Variants in CPNE7 observed in about 807,000 individuals in gnomAD.
CPNE7 encodes copine 7, also known as copine-7.
In CPNE7, 78 loss-of-function variants were observed where a neutral mutation model predicts 66.5. The ratio of observed to expected loss-of-function variants is 1.17; its 90% CI spans 0.98 to 1.42. The LOEUF (loss-of-function observed/expected upper bound fraction) is 1.42. CPNE7 is among the 40% of genes most tolerant of loss of function. CPNE7 has a pLI of 0.00. For synonymous variants in CPNE7, 468 were observed against 336.7 expected, an observed-to-expected ratio of 1.39 and a Z score of -4.27; for missense variants, 1,012 against 776.6, an observed-to-expected ratio of 1.30 and a Z score of -3.60.
intron 11 of CPNE7, among the ~76,000 whole-genome samples, chr16:89,590,497 C>A (rs978954563): frequency 2.0e-5 from 3 of 152,048 alleles, no homozygotes; most frequent in Non-Finnish European, 4.4e-5. Flanking sequence ...TGCAGTCCAG[C>A]CTGGCCTGTA....
rs2059005387 is a variant in CPNE7 at position 89,584,517 on chromosome 16, A to G, written c.508-257A>G. On this transcript the variant is annotated intron_variant, in intron 4 of 14. Coordinates refer to ENST00000319518, the MANE Select transcript of CPNE7 (RefSeq NM_153636.3). The surrounding 1 kb of genome is among the most constrained non-coding windows in gnomAD (Gnocchi z 6.0). ...GGAGGGGCTGAGTCGCAGGGTGTGT[A>G]GGGCAAGTCCGTGGAGGGCTGAGTC... is the stretch of plus-strand genomic sequence containing the variant. 6.8e-6 allele frequency among the ~76,000 whole-genome samples: 1 copy of G among 147,210 alleles called. No homozygotes were observed. Among genetic ancestry groups the G allele is most frequent in the African/African-American group, 2.5e-5 (1 of 40,132 alleles).
chr16:89,576,880 C>T (rs1015782218), intron 1 of CPNE7, among the ~76,000 whole-genome samples: 13 of 152,130 alleles, frequency 8.5e-5, no homozygotes, highest in Non-Finnish European at 1.6e-4. Context: ...CACCGCCTGT[C>T]CCCAGGGTTC....
At chr16:89,588,881 C>G in intron 10 of CPNE7, 73 bp downstream of exon 10, 1 of 1,576,152 alleles carries the variant, frequency 6.3e-7, no homozygotes, top group Non-Finnish European at 8.6e-7. Flanking sequence ...CCGTCTTCCC[C>G]CTCACCCCCC....
intron 6 of CPNE7, 35 bp downstream of exon 6, chr16:89,585,588 G>T (rs373790809): frequency 6.5e-5 from 103 of 1,588,612 alleles, no homozygotes; most frequent in Non-Finnish European, 7.8e-5. Context: ...GGCAGTGAGG[G>T]GGTGGCCTGG....
At chr16:89,577,760 G>T (rs1481948143) in intron 2 of CPNE7, 39 bp downstream of exon 2, 10 of 1,548,208 alleles carry the variant, frequency 6.5e-6, no homozygotes, top group Non-Finnish European at 8.7e-6. Context: ...AGGACGGTTG[G>T]CGTGGGGGCC....
Position 89,591,225 on chromosome 16 carries a change from G to C in CPNE7, c.1267G>C (p.Val423Leu), listed in dbSNP as rs778331677. The C allele has an allele frequency of 6.3e-7, 1 of 1,589,060 alleles. No homozygotes were observed. The highest frequency in any genetic ancestry group is 1.1e-5 in the South Asian group (1 of 88,404). Residue 423 changes from valine (V) to leucine (L), a missense_variant, in exon 13 of 15, where the codon GTG (valine) becomes CTG (leucine). Coordinates refer to ENST00000319518, the MANE Select transcript of CPNE7 (RefSeq NM_153636.3). ...VAPIISKVARVAAAEESTGKA... is the reference protein window; with the variant it reads ...VAPIISKVARLAAAEESTGKA... ...GCCCATCATCTCCAAGGTGGCACGC[G>C]TGGCGGCGGCCGAGGAGAGCACCGG...
chr16:89,595,188 G>A (rs1009691784), intron 13 of CPNE7, among the ~76,000 whole-genome samples, 179 bp from the exon 14 acceptor site: 1 of 152,190 alleles, frequency 6.6e-6, no homozygotes, highest in African/African-American at 2.4e-5. Flanking sequence ...CCGCCACGGA[G>A]GGGGCTCCTG....
chr16:89,580,418 C>T (rs1444890386), intron 2 of CPNE7, among the ~76,000 whole-genome samples: 4 of 125,328 alleles, frequency 3.2e-5, no homozygotes, highest in Admixed American at 8.2e-5. Flanking sequence ...ACGGAACATC[C>T]CATCACCCAT....
At chr16:89,576,270 G>A (rs912294616) in intron 1 of CPNE7, among the ~76,000 whole-genome samples, 199 bp downstream of exon 1, 1 of 152,084 alleles carries the variant, frequency 6.6e-6, no homozygotes, top group African/African-American at 2.4e-5. Context: ...GAGAGGCTGG[G>A]CTGGAGGAGG....
chr16:89,595,214 T>G (rs775535160), intron 13 of CPNE7, among the ~76,000 whole-genome samples, 153 bp from the exon 14 acceptor site: 27 of 152,128 alleles, frequency 1.8e-4, no homozygotes, highest in Non-Finnish European at 2.8e-4. Flanking sequence ...CTGTTGTTCG[T>G]GATGTTTGTG....
intron 1 of CPNE7, 41 bp from the exon 2 acceptor site, chr16:89,577,498 G>C (rs1182280547): frequency 6.5e-7 from 1 of 1,544,582 alleles, no homozygotes; most frequent in Non-Finnish European, 8.7e-7. Context: ...GCCCGGGGTG[G>C]AAGCCTCTGG....
chr16:89,590,553 C>G (rs1333121358), intron 11 of CPNE7, among the ~76,000 whole-genome samples: 2 of 151,592 alleles, frequency 1.3e-5, no homozygotes, highest in Non-Finnish European at 2.9e-5. Context: ...CAACAAAAAA[C>G]TTCAACTGGC....
At position 89,595,380 on chromosome 16, in the gene CPNE7, T is replaced by C; in HGVS notation, c.1316T>C (p.Leu439Pro). The C allele has an allele frequency of 6.3e-7, 1 of 1,578,304 alleles. No homozygotes were observed. The highest frequency in any genetic ancestry group is 8.6e-7 in the Non-Finnish European group (1 of 1,158,114). Residue 439 changes from leucine (L) to proline (P), a missense_variant, in exon 14 of 15, where the codon CTG (leucine) becomes CCG (proline). By Grantham distance (98) the Leu-to-Pro change is moderately conservative (BLOSUM62 -3). Coordinates refer to ENST00000319518, the MANE Select transcript of CPNE7 (RefSeq NM_153636.3). ...CTGTGCCCCCAGCAATACTACATCC[T>C]GCTGATCCTGACGGACGGCGTGGTG... ...STGKASQYYI[L>P]LILTDGVVTD...
At position 89,591,034 on chromosome 16, in the gene CPNE7, A is replaced by G; in HGVS notation, c.1144A>G (p.Asn382Asp). 1 of 1,613,578 alleles carries G rather than the reference A, an allele frequency of 6.2e-7. No homozygotes were observed. The highest frequency in any genetic ancestry group is 8.5e-7 in the Non-Finnish European group (1 of 1,179,844). Residue 382 changes from asparagine (N) to aspartate (D), a missense_variant, in exon 12 of 15, where the codon AAC becomes GAC. By Grantham distance (23) the Asn-to-Asp change is conservative. Transcript: ENST00000319518. ...GTCCCATGACTTTGCCATCAATTTC[A>G]ACCCTGAGGACGATGAGTGTGAAGG... ...EVSHDFAINF[N>D]PEDDECEGIQ...
intron 13 of CPNE7, among the ~76,000 whole-genome samples, chr16:89,593,341 C>T (rs934623134): frequency 1.7e-4 from 26 of 151,444 alleles, no homozygotes; most frequent in African/African-American, 4.9e-5. Context: ...TGCAACATCA[C>T]GGTTTTACCT....
chr16:89,576,600 G>A (rs1324227562), intron 1 of CPNE7, among the ~76,000 whole-genome samples: 3 of 152,192 alleles, frequency 2.0e-5, no homozygotes, highest in African/African-American at 7.2e-5. Flanking sequence ...CGGGGCCGGC[G>A]CCAGACGGGC....
chr16:89,579,380 C>G (rs2058911511), intron 2 of CPNE7, among the ~76,000 whole-genome samples: 1 of 152,188 alleles, frequency 6.6e-6, no homozygotes, highest in East Asian at 1.9e-4. Flanking sequence ...GACCATCACC[C>G]GTCACACAGA....
In CPNE7 at chr16:89,588,731, C is replaced by T. The variant is rs1279037260; in HGVS notation, c.984C>T (p.His328=). The change falls in exon 10 of 15, where the codon CAC becomes CAT. Residue 328 remains histidine (H), a synonymous_variant. Coordinates refer to ENST00000319518, the MANE Select transcript of CPNE7 (RefSeq NM_153636.3). The part of the protein sequence containing the change: ...NGDPRNSCSL[H]YINPYQPNEY... ...ACCCGCGGAACAGCTGCTCCCTGCA[C>T]TACATCAACCCCTACCAGCCGAACG... The T allele has an allele frequency of 1.9e-6, 3 of 1,613,676 alleles. No homozygotes were observed. The highest frequency in any genetic ancestry group is 2.2e-5 in the East Asian group (1 of 44,888).
At chr16:89,591,465 G>T (rs1049414769) in intron 13 of CPNE7, among the ~76,000 whole-genome samples, 1 of 152,210 alleles carries the variant, frequency 6.6e-6, no homozygotes, top group African/African-American at 2.4e-5. Context: ...GCTGTCCATC[G>T]CCTCACACGG....
Sources: gnomAD v4.1 joint callset for allele counts (sites outside exome capture counted in the v4.1 genomes callset) on GRCh38, gnomAD v4.1.1 for gene constraint, Gnocchi (gnomAD v3.1) non-coding constraint, MANE v1.5 for transcripts, NCBI Gene and HGNC (gene_info 2026-07-23, HGNC 2026-07-21) for gene names.